The following SORCS3 variants were observed in gnomAD, a reference collection of about 807,000 sequenced individuals.
SORCS3 encodes VPS10 domain-containing receptor SorCS3.
SORCS3 carries 57 observed loss-of-function variants against 146.3 expected under a neutral mutation model. The ratio of observed to expected loss-of-function variants is 0.39; its 90% CI spans 0.31 to 0.49. The LOEUF (loss-of-function observed/expected upper bound fraction) is 0.49. SORCS3 is among the 20% of genes least tolerant of loss of function. The pLI is 0.92. For synonymous variants in SORCS3, 653 were observed against 618.5 expected (o/e 1.06, Z -0.83); for missense variants, 1,341 against 1,575.5 (o/e 0.85, Z 2.52).
intron 2 of SORCS3, among the ~76,000 whole-genome samples, chr10:104,898,569 T>C (rs2018821630): frequency 6.6e-6 from 1 of 152,236 alleles, no homozygotes. Flanking sequence ...ACTAAACCTG[T>C]TTCCTCTTCA....
chr10:105,067,564 C>T (rs2055530550), intron 5 of SORCS3, among the ~76,000 whole-genome samples: 1 of 152,212 alleles, frequency 6.6e-6, no homozygotes, highest in African/African-American at 2.4e-5. Context: ...CTTTTCCACT[C>T]AGGTGACTTT....
intron 1 of SORCS3, among the ~76,000 whole-genome samples, chr10:104,793,078 GAA>G (rs1250072745): frequency 2.0e-5 from 3 of 152,056 alleles, no homozygotes; most frequent in Admixed American, 2.0e-4. Flanking sequence ...CAATTTTTGA[GAA>G]AAAGAGATTC....
At chr10:105,168,604 T>A (rs2056334455) in intron 13 of SORCS3, among the ~76,000 whole-genome samples, 1 of 151,960 alleles carries the variant, frequency 6.6e-6, no homozygotes, top group Non-Finnish European at 1.5e-5. Context: ...AAGTTTAGAG[T>A]AAGAATTTTA....
At chr10:105,105,659 C>G in intron 7 of SORCS3, 144 bp downstream of exon 7, 1 of 675,266 alleles carries the variant, frequency 1.5e-6, no homozygotes, top group Non-Finnish European at 2.7e-6. Flanking sequence ...ACCCAGTCCT[C>G]TGGGGAGAGC....
At chr10:105,248,416 T>C (rs908457340) in intron 22 of SORCS3, among the ~76,000 whole-genome samples, 3 of 152,154 alleles carry the variant, frequency 2.0e-5, no homozygotes, top group African/African-American at 7.2e-5. Context: ...GGCAGGATGG[T>C]GTTTGAATGA....
intron 8 of SORCS3, among the ~76,000 whole-genome samples, chr10:105,145,939 T>G (rs1225247011): frequency 6.6e-6 from 1 of 152,116 alleles, no homozygotes; most frequent in Non-Finnish European, 1.5e-5. Flanking sequence ...GAGCTCTCTG[T>G]GGTGCTGACA....
At chr10:105,064,857 G>A (rs868739417) in intron 5 of SORCS3, among the ~76,000 whole-genome samples, 2 of 152,208 alleles carry the variant, frequency 1.3e-5, no homozygotes, top group East Asian at 1.9e-4. Flanking sequence ...TGGCTCACAC[G>A]CCAATCTCCT....
At chr10:104,734,734 A>G (rs1472404619) in intron 1 of SORCS3, among the ~76,000 whole-genome samples, 1 of 152,178 alleles carries the variant, frequency 6.6e-6, no homozygotes, top group African/African-American at 2.4e-5. Context: ...AACGGGAGAG[A>G]CCATGTTTTG....
At chr10:105,254,167 G>T (rs1179977183) in intron 23 of SORCS3, among the ~76,000 whole-genome samples, 1 of 152,190 alleles carries the variant, frequency 6.6e-6, no homozygotes, top group Non-Finnish European at 1.5e-5. Flanking sequence ...CTTCTGCTTT[G>T]ATGTTTGCTT....
At chr10:104,841,367 T>C (rs1589519980) in intron 1 of SORCS3, among the ~76,000 whole-genome samples, 1 of 152,270 alleles carries the variant, frequency 6.6e-6, no homozygotes, top group East Asian at 1.9e-4. Context: ...CTTTGATTTG[T>C]GCTGTGGTAG....
At chr10:104,716,034 A>G (rs2016472595) in intron 1 of SORCS3, among the ~76,000 whole-genome samples, 2 of 152,162 alleles carry the variant, frequency 1.3e-5, no homozygotes, top group South Asian at 2.1e-4. Flanking sequence ...GAGCTCTTGC[A>G]GTGGAGTTCC....
intron 1 of SORCS3, among the ~76,000 whole-genome samples, chr10:104,767,885 G>T (rs765051729): frequency 1.9e-4 from 28 of 145,572 alleles, no homozygotes; most frequent in Non-Finnish European, 3.1e-4. Flanking sequence ...ATTAGAGCTT[G>T]CTGGTAGTAT....
intron 4 of SORCS3, among the ~76,000 whole-genome samples, chr10:105,003,927 C>G (rs527938719): frequency 4.6e-5 from 7 of 152,004 alleles, no homozygotes; most frequent in African/African-American, 1.7e-4. Context: ...GGAATTACCA[C>G]TAGTTTACAC....
At chr10:104,753,742 G>T (rs2017014908) in intron 1 of SORCS3, among the ~76,000 whole-genome samples, 1 of 152,096 alleles carries the variant, frequency 6.6e-6, no homozygotes, top group Non-Finnish European at 1.5e-5. Flanking sequence ...ATTTACTAGT[G>T]TGACATTGTC....
intron 16 of SORCS3, among the ~76,000 whole-genome samples, chr10:105,207,319 G>GCTA (rs779167769): frequency 9.4e-4 from 108 of 115,394 alleles, no homozygotes; most frequent in Middle Eastern, 9.3e-3. Flanking sequence ...AACTGTCCTG[G>GCTA]CTATCCCTCC....
intron 4 of SORCS3, among the ~76,000 whole-genome samples, chr10:104,995,522 G>A (rs1454333186): frequency 3.3e-5 from 5 of 152,094 alleles, no homozygotes; most frequent in Non-Finnish European, 5.9e-5. Flanking sequence ...CATTCTTTTA[G>A]TGACTAAGGA....
intron 1 of SORCS3, among the ~76,000 whole-genome samples, chr10:104,717,671 A>G (rs970123257): frequency 2.0e-5 from 3 of 152,178 alleles, no homozygotes; most frequent in African/African-American, 7.2e-5. Flanking sequence ...TGAGATAGTC[A>G]CACCATCCAA....
chr10:104,645,167 G>A (rs1250091376), intron 1 of SORCS3, among the ~76,000 whole-genome samples: 16 of 152,136 alleles, frequency 1.1e-4, no homozygotes, highest in Admixed American at 1.0e-3. Flanking sequence ...GAAAGTGAGT[G>A]GACTTGGCCT....
chr10:104,976,965 C>T (rs7920512), intron 3 of SORCS3, among the ~76,000 whole-genome samples: 10,592 of 151,694 alleles, frequency 0.07, 1,209 homozygotes, highest in African/African-American at 0.24. Flanking sequence ...TGCTAAATGA[C>T]GAGTTAATGG....
Sources: allele counts gnomAD v4.1 joint callset (sites outside exome capture counted in the v4.1 genomes callset), GRCh38; gene constraint gnomAD v4.1.1; transcripts MANE v1.5; gene names NCBI Gene and HGNC (gene_info 2026-07-23, HGNC 2026-07-21).